Variants in RAF1 observed in about 807,000 individuals in gnomAD.
RAF1 encodes the protein Raf-1 proto-oncogene, serine/threonine kinase, also known as RAF proto-oncogene serine/threonine-protein kinase.
A neutral mutation model predicts 81.1 loss-of-function variants in RAF1; 27 were observed. That is an observed-to-expected ratio of 0.33 (90% confidence interval 0.25 to 0.46). The LOEUF (loss-of-function observed/expected upper bound fraction) is 0.46, where lower values mean the gene tolerates loss of function less well. Ranked by LOEUF, RAF1 falls within the 20% of genes least tolerant of loss-of-function variation. The pLI is 1.00. For synonymous variants in RAF1, 298 were observed against 294.0 expected, an observed-to-expected ratio of 1.01 and a Z score of -0.14; for missense variants, 598 against 826.0, an observed-to-expected ratio of 0.72 and a Z score of 3.38.
At chr3:12,640,024 G>T (rs1298619241) in intron 1 of RAF1, among the ~76,000 whole-genome samples, 4 of 152,024 alleles carry the variant, frequency 2.6e-5, no homozygotes, top group African/African-American at 9.7e-5. Flanking sequence ...AACAGAGATA[G>T]AGACCAATGG....
Position 12,583,952 on chromosome 3 carries a change from G to GGAGGACGT in RAF1, c.*554_*561dup. The GGAGGACGT allele has an allele frequency of 1.2e-5, 3 of 243,538 alleles. 1 individual carries two copies. Among genetic ancestry groups the GGAGGACGT allele is most frequent in the South Asian group, 2.9e-4 (2 of 6,788 alleles). 15.1% of individuals were successfully genotyped at this position (243,538 alleles called of 1,614,324 possible). A position where few individuals can be genotyped will look rare whatever the true frequency, so the allele number is the denominator to read the frequency against. On this transcript the variant is annotated 3_prime_UTR_variant, in exon 18 of 18. Coordinates refer to ENST00000442415, the MANE Select transcript of RAF1 (RefSeq NM_001354689.3). ...ACTGGACACCTTAGAAGCTGTGAAA[G>GGAGGACGT]GAGGACGTGTCCCCTAAGAAAAGTT... is the stretch of plus-strand genomic sequence containing the variant.
intron 1 of RAF1, among the ~76,000 whole-genome samples, chr3:12,646,549 A>G (rs2060354258): frequency 7.1e-6 from 1 of 141,380 alleles, no homozygotes; most frequent in Non-Finnish European, 1.5e-5. Context: ...TAATTTTTGT[A>G]TTTGTCTTTT....
rs1575536937 is a variant in RAF1, at chr3:12,587,613, G to A, written c.1455C>T (p.Ile485=). Residue 485 remains isoleucine, a synonymous_variant, in exon 14 of 18, where the codon ATC becomes ATT. Transcript: ENST00000442415. The stretch of plus-strand genomic sequence containing the variant: ...TACTGTTGGATTTCATGTCTCTATG[G>A]ATGATGTTCTTTGCATGCAAATAGC... 2 of 1,610,346 alleles carry A rather than the reference G, an allele frequency of 1.2e-6. No individual in the cohort carries two copies. The highest frequency in any genetic ancestry group is 1.7e-6 in the Non-Finnish European group (2 of 1,176,612).
chr3:12,627,525 G>A (rs2059739884), intron 1 of RAF1, among the ~76,000 whole-genome samples: 1 of 152,150 alleles, frequency 6.6e-6, no homozygotes, highest in South Asian at 2.1e-4. Flanking sequence ...ACTCATAATT[G>A]CCAGTTATCT....
chr3:12,641,490 G>GTTTTTTTT (rs747472648), intron 1 of RAF1, among the ~76,000 whole-genome samples: 1 of 134,614 alleles, frequency 7.4e-6, no homozygotes, highest in South Asian at 2.4e-4. Flanking sequence ...ATGTTTTTTG[G>GTTTTTTTT]TTTTTTTTTT....
chr3:12,650,980 T>A (rs1380221710), intron 1 of RAF1, among the ~76,000 whole-genome samples: 1 of 152,202 alleles, frequency 6.6e-6, no homozygotes, highest in Admixed American at 6.6e-5. Flanking sequence ...AAAGCTAAAG[T>A]GTGCCCAGGG....
chr3:12,658,182 T>C (rs2060761078), intron 1 of RAF1, among the ~76,000 whole-genome samples: 1 of 152,236 alleles, frequency 6.6e-6, no homozygotes, highest in Non-Finnish European at 1.5e-5. Flanking sequence ...AACAGTATAC[T>C]ATACTGTATA....
intron 15 of RAF1, 106 bp downstream of exon 14, chr3:12,585,575 T>G (rs949118583): frequency 5.1e-5 from 69 of 1,363,792 alleles, no homozygotes; most frequent in Admixed American, 1.2e-4. Context: ...AGGGGTCATG[T>G]GGATTTCGGG....
Position 12,628,768 on chromosome 3 carries a change from G to A in RAF1, c.-26-10021C>T, listed in dbSNP as rs924658887. Among the ~76,000 whole-genome samples, 13 of 140,170 alleles carry A rather than the reference G, an allele frequency of 9.3e-5. 1 individual carries two copies. The highest frequency in any genetic ancestry group is 3.6e-3 in the Middle Eastern group (1 of 280). 92.0% of individuals were successfully genotyped at this position (140,170 alleles called of 152,430 possible). On this transcript the variant is annotated intron_variant, in intron 1 of 17. Transcript: ENST00000442415. ...ACTATTTTTGGGGGGGGGGGGTGGCGGGGCACATGGTCTCACTCTGTTGGC... is the reference window on the plus strand; with the variant it reads ...ACTATTTTTGGGGGGGGGGGGTGGCAGGGCACATGGTCTCACTCTGTTGGC...
chr3:12,659,685 T>C (rs1316127188), intron 1 of RAF1, among the ~76,000 whole-genome samples: 2 of 152,114 alleles, frequency 1.3e-5, no homozygotes, highest in East Asian at 3.8e-4. Flanking sequence ...TCCCAAGATC[T>C]GAACAACTTA....
intron 1 of RAF1, among the ~76,000 whole-genome samples, chr3:12,646,102 C>T (rs907121120): frequency 6.6e-6 from 1 of 152,038 alleles, no homozygotes; most frequent in Non-Finnish European, 1.5e-5. Flanking sequence ...TTTCTTTTTA[C>T]TCATTAAATA....
At chr3:12,633,948 A>C (rs1161153263) in intron 1 of RAF1, among the ~76,000 whole-genome samples, 4 of 151,732 alleles carry the variant, frequency 2.6e-5, no homozygotes, top group South Asian at 2.1e-4. Flanking sequence ...AAAAAAAAAA[A>C]AAACAAAAAA....
chr3:12,611,610 A>G (rs2059210969), intron 3 of RAF1, among the ~76,000 whole-genome samples: 2 of 152,220 alleles, frequency 1.3e-5, no homozygotes, highest in African/African-American at 4.8e-5. Context: ...TGAGGCAGGA[A>G]AATGGCGTGA....
chr3:12,585,400 T>C, intron 15 of RAF1, 147 bp from the exon 15 acceptor site: 1 of 1,533,828 alleles, frequency 6.5e-7, no homozygotes, highest in African/African-American at 1.4e-5. Flanking sequence ...GGACTCCAAC[T>C]CAGGCACTGG....
intron 1 of RAF1, among the ~76,000 whole-genome samples, chr3:12,629,387 T>G (rs2059799324): frequency 6.6e-6 from 1 of 152,150 alleles, no homozygotes; most frequent in African/African-American, 2.4e-5. Flanking sequence ...AAAAAATAAA[T>G]TTCTTAAAAC....
chr3:12,650,602 A>G (rs1489288139), intron 1 of RAF1, among the ~76,000 whole-genome samples: 1 of 152,216 alleles, frequency 6.6e-6, no homozygotes, highest in Admixed American at 6.5e-5. Context: ...AAGAATAAAG[A>G]GCACCATTCA....
chr3:12,662,835 C>G (rs1323530275), intron 1 of RAF1, among the ~76,000 whole-genome samples: 1 of 152,062 alleles, frequency 6.6e-6, no homozygotes, highest in Non-Finnish European at 1.5e-5. Flanking sequence ...TAAGCCAATT[C>G]TTATCACACT....
At chr3:12,612,173 C>T (rs1369507081) in intron 2 of RAF1, 111 bp from the exon 3 acceptor site, 6 of 805,582 alleles carry the variant, frequency 7.4e-6, no homozygotes, top group African/African-American at 3.4e-5. Context: ...CCCACGCACA[C>T]ACACATATAC....
intron 5 of RAF1, chr3:12,608,302 T>C (rs1038779554): frequency 1.9e-5 from 3 of 157,242 alleles, no homozygotes; most frequent in Non-Finnish European, 4.2e-5. Context: ...TTCAAACAAT[T>C]TTAAGTCCAA....
Sources: allele counts gnomAD v4.1 joint callset (sites outside exome capture counted in the v4.1 genomes callset), GRCh38; gene constraint gnomAD v4.1.1; transcripts MANE v1.5; gene names NCBI Gene and HGNC (gene_info 2026-07-23, HGNC 2026-07-21).